The following SLC24A2 variants were observed in gnomAD, a reference collection of about 807,000 sequenced individuals.
The protein encoded by SLC24A2 is sodium/potassium/calcium exchanger 2.
In SLC24A2, 36 loss-of-function variants were observed where a neutral mutation model predicts 62.0. The observed-to-expected ratio is 0.58, with a 90% CI of 0.44 to 0.77. The LOEUF is 0.77. SLC24A2 is among the 30% of genes least tolerant of loss of function. The probability of loss-of-function intolerance (pLI) is 0.00; values close to 1 mark genes in which losing one functional copy is unlikely to be tolerated. For synonymous variants in SLC24A2, 358 were observed against 294.0 expected (o/e 1.22, Z -2.23); for missense variants, 846 against 817.9 (o/e 1.03, Z -0.42).
the SLC24A2 span, among the ~76,000 whole-genome samples, chr9:20,024,830 AG>A: frequency 6.6e-6 from 1 of 152,064 alleles, no homozygotes; most frequent in African/African-American, 2.4e-5. Flanking sequence ...GAGCCTAAAG[AG>A]ATTTTGGACT....
the SLC24A2 span, among the ~76,000 whole-genome samples, chr9:20,121,570 T>G: frequency 2.0e-5 from 3 of 152,128 alleles, no homozygotes; most frequent in African/African-American, 7.2e-5. Flanking sequence ...GAATACAAAT[T>G]TGATCACATA....
chr9:19,625,082 G>A (rs979058748), intron 2 of SLC24A2, among the ~76,000 whole-genome samples: 7 of 152,162 alleles, frequency 4.6e-5, no homozygotes, highest in African/African-American at 1.7e-4. Flanking sequence ...TACATGGCAA[G>A]TTTATTCTAA....
the SLC24A2 span, among the ~76,000 whole-genome samples, chr9:20,235,835 T>A: frequency 6.6e-6 from 1 of 152,192 alleles, no homozygotes; most frequent in East Asian, 1.9e-4. Flanking sequence ...CGCTGGGAGC[T>A]GTAGACCGGA....
chr9:20,128,972 C>T, the SLC24A2 span, among the ~76,000 whole-genome samples: 12 of 151,858 alleles, frequency 7.9e-5, no homozygotes, highest in African/African-American at 2.7e-4. Flanking sequence ...TTCTGTGCAT[C>T]GATGGATACT....
At chr9:19,851,525 G>A in the SLC24A2 span, among the ~76,000 whole-genome samples, 1 of 152,030 alleles carries the variant, frequency 6.6e-6, no homozygotes, top group Non-Finnish European at 1.5e-5. Context: ...TTCCCTCCCT[G>A]TGTCCCTGTG....
chr9:20,135,338 A>C, the SLC24A2 span, among the ~76,000 whole-genome samples: 159 of 145,480 alleles, frequency 1.1e-3, 5 homozygotes, highest in Admixed American at 1.7e-3. Context: ...TTAAAATTTT[A>C]ATTTTTAATT....
intron 5 of SLC24A2, among the ~76,000 whole-genome samples, chr9:19,594,724 G>A (rs1256337489): frequency 6.6e-6 from 1 of 152,148 alleles, no homozygotes; most frequent in Non-Finnish European, 1.5e-5. Context: ...AAACATCTTT[G>A]TCTTTATTAT....
chr9:19,666,175 G>T (rs879411652), intron 2 of SLC24A2, among the ~76,000 whole-genome samples: 2 of 152,090 alleles, frequency 1.3e-5, no homozygotes, highest in African/African-American at 4.8e-5. Flanking sequence ...AGAGGCCAAG[G>T]CAAGAGGATC....
the SLC24A2 span, among the ~76,000 whole-genome samples, chr9:20,141,586 A>G: frequency 2.6e-5 from 4 of 151,496 alleles, no homozygotes; most frequent in African/African-American, 4.9e-5. Context: ...TGATCATTCT[A>G]TAATACTTGA....
the SLC24A2 span, among the ~76,000 whole-genome samples, chr9:20,209,317 A>C: frequency 1.3e-5 from 2 of 152,222 alleles, no homozygotes; most frequent in African/African-American, 4.8e-5. Flanking sequence ...GTCTTCTTGC[A>C]GATAACATTC....
chr9:19,523,381 A>G (rs1833288232), intron 9 of SLC24A2, among the ~76,000 whole-genome samples: 1 of 152,178 alleles, frequency 6.6e-6, no homozygotes, highest in Non-Finnish European at 1.5e-5. Context: ...AGAATTGTTG[A>G]TGACTATATG....
At chr9:20,050,691 C>T in the SLC24A2 span, among the ~76,000 whole-genome samples, 1 of 152,164 alleles carries the variant, frequency 6.6e-6, no homozygotes, top group South Asian at 2.1e-4. Context: ...GACGTGAATA[C>T]ATTACCCAGC....
chr9:19,579,267 C>A (rs1836131379), intron 5 of SLC24A2, among the ~76,000 whole-genome samples: 2 of 152,128 alleles, frequency 1.3e-5, no homozygotes, highest in South Asian at 4.1e-4. Flanking sequence ...AGGAGGCAGG[C>A]AGGGTCTATG....
the SLC24A2 span, among the ~76,000 whole-genome samples, chr9:20,059,600 T>C: frequency 6.6e-6 from 1 of 152,078 alleles, no homozygotes; most frequent in Non-Finnish European, 1.5e-5. Context: ...TTGAGATGAA[T>C]GAAAATGAAA....
the SLC24A2 span, among the ~76,000 whole-genome samples, chr9:20,234,275 C>T: frequency 6.6e-6 from 1 of 152,130 alleles, no homozygotes. Flanking sequence ...TGTTGGCCTG[C>T]CTTGCTAGAT....
In SLC24A2 at chr9:19,600,041, C is replaced by T. The variant is rs375646088; in HGVS notation, c.1079-2762G>A. Among the ~76,000 whole-genome samples the T allele has an allele frequency of 1.6e-4, 24 of 152,266 alleles. No individual in the cohort carries two copies. The East Asian group carries it at 2.3e-3, about 15-fold the overall frequency. ...TTAGTTAACATTATCTAGCACTGTT[C>T]GCTGTATCAGTGAAGCAAGAGGCAG... is the stretch of plus-strand genomic sequence containing the variant. On this transcript the variant is annotated intron_variant, in intron 4 of 10. Transcript: ENST00000341998.
At chr9:19,986,755 C>G in the SLC24A2 span, among the ~76,000 whole-genome samples, 1 of 151,848 alleles carries the variant, frequency 6.6e-6, no homozygotes, top group Non-Finnish European at 1.5e-5. Context: ...AGACAGAAAG[C>G]AGATTGGTAG....
At chr9:19,790,089 A>G (rs1181150192), upstream of SLC24A2, among the ~76,000 whole-genome samples, 2 of 150,068 alleles carry the variant, frequency 1.3e-5, no homozygotes, top group Non-Finnish European at 3.0e-5. Flanking sequence ...CAGGCATTCA[A>G]GACTCAACTT....
At chr9:20,128,622 T>C in the SLC24A2 span, among the ~76,000 whole-genome samples, 4 of 152,172 alleles carry the variant, frequency 2.6e-5, no homozygotes, top group East Asian at 3.9e-4. Context: ...GAAGTTAAGA[T>C]TTTTTGCAGA....
Sources: allele counts gnomAD v4.1 joint callset (sites outside exome capture counted in the v4.1 genomes callset), GRCh38; gene constraint gnomAD v4.1.1; transcripts MANE v1.5; gene names NCBI Gene and HGNC (gene_info 2026-07-23, HGNC 2026-07-21).